The following HDAC9 variants were observed in gnomAD, a reference collection of about 807,000 sequenced individuals.
HDAC9 encodes histone deacetylase 9.
HDAC9 carries 41 observed loss-of-function variants against 139.4 expected under a neutral mutation model. That is an observed-to-expected ratio of 0.29 (90% CI 0.23 to 0.38). HDAC9 has a LOEUF of 0.38. HDAC9 is among the 10% of genes least tolerant of loss of function. The pLI is 1.00. For synonymous variants in HDAC9, 517 were observed against 476.2 expected (o/e 1.09, Z -1.12); for missense variants, 1,147 against 1,297.0 (o/e 0.88, Z 1.78).
At chr7:18,250,864 T>C (rs1393293650) in intron 2 of HDAC9, among the ~76,000 whole-genome samples, 5 of 152,218 alleles carry the variant, frequency 3.3e-5, no homozygotes, top group African/African-American at 9.6e-5. Context: ...TGCATTTCTC[T>C]AATGATTAGT....
At chr7:18,902,229 T>G (rs1801791062) in intron 22 of HDAC9, among the ~76,000 whole-genome samples, 1 of 152,172 alleles carries the variant, frequency 6.6e-6, no homozygotes, top group African/African-American at 2.4e-5. Context: ...TGAAAACGTT[T>G]TATTGGCTTT....
chr7:18,943,186 A>G (rs1377526988), intron 23 of HDAC9, among the ~76,000 whole-genome samples: 1 of 152,026 alleles, frequency 6.6e-6, no homozygotes, highest in African/African-American at 2.4e-5. Context: ...ATGTTGGAAA[A>G]CTACACATAC....
intron 2 of HDAC9, among the ~76,000 whole-genome samples, chr7:18,532,730 A>C (rs1420462243): frequency 6.6e-6 from 1 of 152,032 alleles, no homozygotes; most frequent in Non-Finnish European, 1.5e-5. Context: ...AAGGTCTTTT[A>C]ATGAAAATAG....
intron 1 of HDAC9, among the ~76,000 whole-genome samples, chr7:18,159,464 T>C (rs896831838): frequency 2.6e-5 from 4 of 152,200 alleles, no homozygotes; most frequent in Non-Finnish European, 4.4e-5. Flanking sequence ...CTTCTTTCTT[T>C]TCCAGGCAAC....
intron 6 of HDAC9, among the ~76,000 whole-genome samples, chr7:18,613,093 CTT>C (rs912352372): frequency 1.4e-4 from 20 of 147,174 alleles, no homozygotes; most frequent in Non-Finnish European, 3.0e-4. Flanking sequence ...TTATATTTCT[CTT>C]TTATATATAA....
chr7:18,388,252 G>T (rs1489538469), intron 1 of HDAC9, among the ~76,000 whole-genome samples: 1 of 152,110 alleles, frequency 6.6e-6, no homozygotes, highest in African/African-American at 2.4e-5. Context: ...TATGTTCCCA[G>T]TACCCCTGCC....
intron 16 of HDAC9, among the ~76,000 whole-genome samples, chr7:18,770,956 A>G (rs1424175005): frequency 1.3e-5 from 2 of 152,186 alleles, no homozygotes; most frequent in Admixed American, 6.6e-5. Flanking sequence ...AAAGCCCTGC[A>G]GACAGCAGAG....
intron 1 of HDAC9, among the ~76,000 whole-genome samples, chr7:18,423,877 A>G (rs1789870681): frequency 6.6e-6 from 1 of 152,234 alleles, no homozygotes; most frequent in South Asian, 2.1e-4. Context: ...AGCAAGGGAA[A>G]GTGGACTTCA....
chr7:18,531,785 C>T (rs748761334), intron 2 of HDAC9, among the ~76,000 whole-genome samples: 2 of 152,038 alleles, frequency 1.3e-5, no homozygotes, highest in Non-Finnish European at 2.9e-5. Context: ...AACCACACTT[C>T]TACTGTTGGA....
In HDAC9 at chr7:18,281,178, GT is replaced by G. The variant is rs575529392; in HGVS notation, c.25+118832del. Among the ~76,000 whole-genome samples the G allele has an allele frequency of 2.9e-3, 438 of 152,310 alleles. 5 individuals are homozygous for G. Among genetic ancestry groups the G allele is most frequent in the African/African-American group, 9.8e-3 (406 of 41,562 alleles). ...ATGATACAAGGTGGAACAAAGCTTA[GT>G]TTGTGAGTCTGAAGCAGAATCAGGC... On this transcript the variant is annotated intron_variant, in intron 2 of 12. Transcript: ENST00000417496.
rs372647616 is a variant in HDAC9, at chr7:18,695,491, T to C, written c.1731+29015T>C. ...GATTTGAAAGAGTAGAAGGAGTTTC[T>C]TAACACAGCATAGTGACACTTCCAA... On this transcript the variant is annotated intron_variant, in intron 12 of 25. Transcript: ENST00000686413. Among the ~76,000 whole-genome samples the C allele has an allele frequency of 2.0e-4, 31 of 152,336 alleles. 1 individual carries two copies. The highest frequency in any genetic ancestry group is 7.5e-4 in the African/African-American group (31 of 41,578).
intron 1 of HDAC9, among the ~76,000 whole-genome samples, chr7:18,150,562 G>A (rs1482585404): frequency 6.6e-6 from 1 of 152,084 alleles, no homozygotes; most frequent in African/African-American, 2.4e-5. Flanking sequence ...TCTTATCTCT[G>A]GAGTGCATAT....
intron 25 of HDAC9, among the ~76,000 whole-genome samples, chr7:18,978,835 AG>A (rs1479819166): frequency 1.3e-5 from 2 of 152,222 alleles, no homozygotes; most frequent in African/African-American, 2.4e-5. Context: ...GCTCTGCTGA[AG>A]ATCAAGAAAA....
intron 16 of HDAC9, among the ~76,000 whole-genome samples, chr7:18,770,129 G>T (rs958128689): frequency 1.5e-4 from 23 of 152,234 alleles, no homozygotes; most frequent in Admixed American, 1.4e-3. Flanking sequence ...GTAATTTACT[G>T]TTGGTCAAGC....
chr7:18,636,006 G>A (rs1378997931), intron 8 of HDAC9, among the ~76,000 whole-genome samples: 3 of 152,034 alleles, frequency 2.0e-5, no homozygotes, highest in Non-Finnish European at 2.9e-5. Context: ...GAAATTATCA[G>A]GTCAGAATAT....
intron 2 of HDAC9, among the ~76,000 whole-genome samples, chr7:18,540,569 C>T (rs1358662385): frequency 2.6e-5 from 4 of 151,798 alleles, no homozygotes; most frequent in African/African-American, 7.3e-5. Flanking sequence ...GTAGACATAT[C>T]GGGGGTTAAA....
chr7:18,401,217 G>T (rs1419126948), intron 1 of HDAC9, among the ~76,000 whole-genome samples: 1 of 152,112 alleles, frequency 6.6e-6, no homozygotes, highest in East Asian at 1.9e-4. Context: ...AGCTAGCAGG[G>T]AACAAAACAG....
intron 1 of HDAC9, among the ~76,000 whole-genome samples, chr7:18,465,004 T>TCA (rs1420136216): frequency 6.4e-4 from 98 of 152,210 alleles, no homozygotes; most frequent in African/African-American, 2.2e-3. Context: ...CTTGTATGTT[T>TCA]GGGATATTTT....
intron 23 of HDAC9, among the ~76,000 whole-genome samples, chr7:18,943,555 A>G (rs1002960924): frequency 1.2e-4 from 19 of 152,120 alleles, no homozygotes; most frequent in Non-Finnish European, 2.2e-4. Flanking sequence ...TATGGAACAG[A>G]GGCATCTTCT....
Sources: allele counts gnomAD v4.1 joint callset (sites outside exome capture counted in the v4.1 genomes callset), GRCh38; gene constraint gnomAD v4.1.1; transcripts MANE v1.5; gene names NCBI Gene and HGNC (gene_info 2026-07-23, HGNC 2026-07-21).